The following STAC variants were observed in gnomAD, a reference collection of about 807,000 sequenced individuals.
The protein encoded by STAC is SH3 and cysteine rich domain, also known as SH3 and cysteine-rich domain-containing protein.
A neutral mutation model predicts 48.8 loss-of-function variants in STAC; 43 were observed. The observed-to-expected ratio is 0.88, with a 90% confidence interval of 0.69 to 1.14. STAC has a LOEUF of 1.14. STAC is among the 50% of genes most tolerant of loss of function. The probability of loss-of-function intolerance (pLI) is 0.00; values close to 1 mark genes in which losing one functional copy is unlikely to be tolerated. For synonymous variants in STAC, 193 were observed against 179.5 expected (o/e 1.07, Z -0.60); for missense variants, 497 against 504.0 (o/e 0.99, Z 0.13).
At chr3:36,413,025 C>T (rs1249543194) in intron 1 of STAC, among the ~76,000 whole-genome samples, 1 of 152,156 alleles carries the variant, frequency 6.6e-6, no homozygotes, top group African/African-American at 2.4e-5. Flanking sequence ...TTTGATTGCA[C>T]TGTGGTCTGA....
At chr3:36,384,266 T>C (rs935897544) in intron 1 of STAC, among the ~76,000 whole-genome samples, 1 of 152,178 alleles carries the variant, frequency 6.6e-6, no homozygotes, top group Non-Finnish European at 1.5e-5. Flanking sequence ...TCATCACTTA[T>C]ATGACACAAG....
intron 8 of STAC, among the ~76,000 whole-genome samples, chr3:36,512,585 G>A (rs988806529): frequency 6.6e-6 from 1 of 152,072 alleles, no homozygotes; most frequent in Non-Finnish European, 1.5e-5. Context: ...GGGATAATGA[G>A]GAATGATGTC....
chr3:36,515,247 C>T (rs1354169025), intron 8 of STAC, among the ~76,000 whole-genome samples: 1 of 152,006 alleles, frequency 6.6e-6, no homozygotes, highest in Non-Finnish European at 1.5e-5. Flanking sequence ...TTTAAGACAA[C>T]TTGGAAGAAG....
intron 1 of STAC, among the ~76,000 whole-genome samples, chr3:36,427,469 G>A (rs1370880012): frequency 6.6e-6 from 1 of 152,076 alleles, no homozygotes; most frequent in Non-Finnish European, 1.5e-5. Context: ...CAGGCTGCCT[G>A]GCATGCTATA....
intron 1 of STAC, among the ~76,000 whole-genome samples, chr3:36,410,911 C>G (rs73059946): frequency 0.023 from 3,537 of 152,226 alleles, 60 homozygotes; most frequent in Non-Finnish European, 0.026. Flanking sequence ...TATACATTTA[C>G]GGGATTTGAA....
intron 1 of STAC, among the ~76,000 whole-genome samples, chr3:36,436,849 T>C (rs1373305085): frequency 6.6e-6 from 1 of 151,982 alleles, no homozygotes; most frequent in Non-Finnish European, 1.5e-5. Flanking sequence ...ACCTACAAAA[T>C]GGAAGAAAAT....
chr3:36,541,672 T>C (rs1699329921), intron 10 of STAC, among the ~76,000 whole-genome samples: 1 of 152,070 alleles, frequency 6.6e-6, no homozygotes, highest in Admixed American at 6.6e-5. Flanking sequence ...TGGGAGGAAA[T>C]TGAGTAAGGC....
chr3:36,510,056 A>G (rs1698497805), intron 8 of STAC, among the ~76,000 whole-genome samples: 1 of 152,136 alleles, frequency 6.6e-6, no homozygotes, highest in Non-Finnish European at 1.5e-5. Context: ...TTTGCAATCT[A>G]TCCATCTGAC....
intron 2 of STAC, among the ~76,000 whole-genome samples, chr3:36,481,152 G>A (rs927152420): frequency 1.3e-5 from 2 of 152,198 alleles, no homozygotes; most frequent in Non-Finnish European, 2.9e-5. Context: ...AGCAGCATGT[G>A]TAGAGAGCTG....
At chr3:36,444,322 AAAAAGTAGTTTT>A (rs1294020282) in intron 2 of STAC, among the ~76,000 whole-genome samples, 1 of 152,212 alleles carries the variant, frequency 6.6e-6, no homozygotes, top group African/African-American at 2.4e-5. Context: ...AAGCCACCCT[AAAAAGTAGTTTT>A]AAAGTGCTGA....
At chr3:36,540,518 A>G (rs1476165659) in intron 10 of STAC, among the ~76,000 whole-genome samples, 2 of 152,140 alleles carry the variant, frequency 1.3e-5, no homozygotes, top group Non-Finnish European at 2.9e-5. Context: ...AAGAGGACAG[A>G]TGAAAAATGA....
At chr3:36,389,539 T>C (rs1699706491) in intron 1 of STAC, among the ~76,000 whole-genome samples, 1 of 152,206 alleles carries the variant, frequency 6.6e-6, no homozygotes, top group Non-Finnish European at 1.5e-5. Flanking sequence ...GCACACAGTA[T>C]TTTATACTCT....
At chr3:36,402,631 C>G (rs939996526) in intron 1 of STAC, among the ~76,000 whole-genome samples, 10 of 151,994 alleles carry the variant, frequency 6.6e-5, no homozygotes, top group African/African-American at 2.4e-4. Flanking sequence ...CAAGATAATT[C>G]TAGACTTCAA....
chr3:36,505,036 A>G (rs1246275158), intron 7 of STAC, among the ~76,000 whole-genome samples: 1 of 152,200 alleles, frequency 6.6e-6, no homozygotes, highest in Non-Finnish European at 1.5e-5. Context: ...GCTAATATTT[A>G]TATGATGCTT....
chr3:36,389,187 T>A (rs879389429), intron 1 of STAC, among the ~76,000 whole-genome samples: 2 of 152,176 alleles, frequency 1.3e-5, no homozygotes, highest in Non-Finnish European at 2.9e-5. Flanking sequence ...TTTCCAACTG[T>A]CTTGGTCCAT....
At chr3:36,453,591 C>T (rs2125677227) in intron 2 of STAC, among the ~76,000 whole-genome samples, 1 of 152,280 alleles carries the variant, frequency 6.6e-6, no homozygotes, top group East Asian at 1.9e-4. Context: ...CCCACCCCCT[C>T]CGTGGGTTCC....
At chr3:36,381,243 G>A (rs1699504456) in intron 1 of STAC, among the ~76,000 whole-genome samples, 1 of 152,148 alleles carries the variant, frequency 6.6e-6, no homozygotes, top group South Asian at 2.1e-4. Flanking sequence ...AAAAGAAAAA[G>A]AAAAAGAAAG....
intron 1 of STAC, among the ~76,000 whole-genome samples, chr3:36,442,791 CACACACACACAG>C (rs1696387766): frequency 1.1e-5 from 1 of 87,830 alleles, no homozygotes; most frequent in Non-Finnish European, 2.5e-5. Flanking sequence ...CACACACACA[CACACACACACAG>C]AGGTTACTTA....
rs577782160 is a variant in STAC at position 36,493,150 on chromosome 3, G to T, written c.688-1G>T. The T allele has an allele frequency of 1.2e-6, 2 of 1,612,748 alleles. No homozygotes were observed. Among genetic ancestry groups the T allele is most frequent in the South Asian group, 1.1e-5 (1 of 90,996 alleles). On this transcript the variant is annotated splice_acceptor_variant, in intron 5 of 10. Transcript: ENST00000273183. LOFTEE classifies it high-confidence loss of function. ...CCATGCTCTTTCTTCTTTCCTCCAA[G>T]ACTTCAGATCTTGTGGAGGTTCCTG...
Sources: gnomAD v4.1 joint callset for allele counts (sites outside exome capture counted in the v4.1 genomes callset) on GRCh38, gnomAD v4.1.1 for gene constraint, MANE v1.5 for transcripts, NCBI Gene and HGNC (gene_info 2026-07-23, HGNC 2026-07-21) for gene names.